Variants in MPHOSPH9 observed in about 807,000 individuals in gnomAD.
The protein encoded by MPHOSPH9 is M-phase phosphoprotein 9.
Under a neutral mutation model 145.5 loss-of-function variants are expected in MPHOSPH9, and 88 were observed. The observed-to-expected ratio is 0.60, with a 90% CI of 0.51 to 0.72. MPHOSPH9 has a LOEUF of 0.72. Ranked by LOEUF, MPHOSPH9 falls within the 30% of genes least tolerant of loss-of-function variation. The pLI is 0.00. For missense variants in MPHOSPH9, 1,238 were observed against 1,386.6 expected, an observed-to-expected ratio of 0.89 and a Z score of 1.70; for synonymous variants, 435 against 486.2, an observed-to-expected ratio of 0.89 and a Z score of 1.39.
chr12:123,227,103 A>T (rs1191287128), intron 3 of MPHOSPH9, among the ~76,000 whole-genome samples: 1 of 152,228 alleles, frequency 6.6e-6, no homozygotes, highest in African/African-American at 2.4e-5. Flanking sequence ...AAATATTTCA[A>T]AGTGGATTTA....
At chr12:123,205,815 T>C (rs1404607406) in intron 8 of MPHOSPH9, among the ~76,000 whole-genome samples, 1 of 152,210 alleles carries the variant, frequency 6.6e-6, no homozygotes, top group East Asian at 1.9e-4. Context: ...AATGGCATTT[T>C]ATAATTGCTA....
chr12:123,229,442 A>T (rs565107999), intron 2 of MPHOSPH9, among the ~76,000 whole-genome samples: 8 of 152,384 alleles, frequency 5.2e-5, no homozygotes, highest in South Asian at 4.1e-4. Context: ...AATGCATTTT[A>T]AAAAATTAAT....
intron 7 of MPHOSPH9, among the ~76,000 whole-genome samples, chr12:123,211,312 G>T (rs1343034473): frequency 6.6e-6 from 1 of 151,854 alleles, no homozygotes; most frequent in East Asian, 1.9e-4. Context: ...GTAGAGATGG[G>T]GCTTCACCAT....
chr12:123,178,544 G>A (rs2044983695), intron 15 of MPHOSPH9, among the ~76,000 whole-genome samples: 1 of 151,852 alleles, frequency 6.6e-6, no homozygotes, highest in Non-Finnish European at 1.5e-5. Flanking sequence ...TGGTGGGGAG[G>A]GGAGAGTCTT....
chr12:123,203,666 C>T (rs1233834100), intron 8 of MPHOSPH9, among the ~76,000 whole-genome samples: 1 of 152,046 alleles, frequency 6.6e-6, no homozygotes, highest in Non-Finnish European at 1.5e-5. Context: ...GTAGTTCTCC[C>T]ACTCAAAATA....
chr12:123,152,572 A>G (rs1254512904), downstream of MPHOSPH9: 2 of 456,592 alleles, frequency 4.4e-6, no homozygotes, highest in African/African-American at 2.0e-5. Flanking sequence ...GACATGGTAC[A>G]TAATGTCCAG....
chr12:123,207,678 A>T (rs2046496023), intron 8 of MPHOSPH9, among the ~76,000 whole-genome samples: 1 of 151,992 alleles, frequency 6.6e-6, no homozygotes, highest in South Asian at 2.1e-4. Context: ...ACATGGTGAA[A>T]CCCTGTCTCT....
At chr12:123,192,868 A>C (rs1287882329) in intron 13 of MPHOSPH9, among the ~76,000 whole-genome samples, 1 of 151,494 alleles carries the variant, frequency 6.6e-6, no homozygotes, top group Non-Finnish European at 1.5e-5. Context: ...TCAAGAGGTC[A>C]AGAAATCGAG....
intron 3 of MPHOSPH9, among the ~76,000 whole-genome samples, chr12:123,223,768 T>A (rs915521609): frequency 6.6e-6 from 1 of 152,026 alleles, no homozygotes; most frequent in Non-Finnish European, 1.5e-5. Flanking sequence ...TCTTAAATGT[T>A]CACTTTGTGA....
intron 5 of MPHOSPH9, among the ~76,000 whole-genome samples, chr12:123,220,202 A>G (rs1397086339): frequency 6.6e-6 from 1 of 151,770 alleles, no homozygotes; most frequent in East Asian, 1.9e-4. Flanking sequence ...TCAAAAAATA[A>G]ATAAAAACAG....
chr12:123,203,241 C>G lies in MPHOSPH9; in HGVS notation c.1320+9G>C. On this transcript the variant is annotated intron_variant, in intron 9 of 23. Transcript: ENST00000606320. ...TCACGTTCACTCGGCAGAATGTGGA[C>G]AACTTTACCTCTGGTGGATGATTTG... is the stretch of plus-strand genomic sequence containing the variant. 6.2e-7 allele frequency: 1 copy of G among 1,611,236 alleles called. No homozygotes were observed. The highest frequency in any genetic ancestry group is 8.5e-7 in the Non-Finnish European group (1 of 1,179,284).
intron 16 of MPHOSPH9, among the ~76,000 whole-genome samples, chr12:123,169,098 A>G (rs2044459316): frequency 6.6e-6 from 1 of 151,678 alleles, no homozygotes; most frequent in Admixed American, 6.6e-5. Context: ...GTTATTAGCC[A>G]GGATGGTCTT....
At chr12:123,160,998 A>T in intron 22 of MPHOSPH9, 138 bp downstream of exon 22, 1 of 1,346,174 alleles carries the variant, frequency 7.4e-7, no homozygotes. Context: ...CACATGGCTC[A>T]AATCCGTTGC....
chr12:123,204,170 C>T (rs1430015831), intron 8 of MPHOSPH9, among the ~76,000 whole-genome samples: 4 of 151,972 alleles, frequency 2.6e-5, no homozygotes, highest in African/African-American at 4.8e-5. Flanking sequence ...GGCATGGTGG[C>T]GCATGCCTGT....
intron 3 of MPHOSPH9, among the ~76,000 whole-genome samples, chr12:123,225,616 C>CA (rs562859948): frequency 1.1e-4 from 16 of 143,136 alleles, no homozygotes; most frequent in South Asian, 2.2e-4. Context: ...ATGCTAATGT[C>CA]AAAAAAAAAA....
intron 13 of MPHOSPH9, among the ~76,000 whole-genome samples, chr12:123,192,125 GA>G (rs570981838): frequency 3.7e-4 from 56 of 152,242 alleles, no homozygotes; most frequent in African/African-American, 1.3e-3. Context: ...CTCCTCAATG[GA>G]AGCTAAAACT....
At chr12:123,220,797 T>A (rs538393653) in intron 5 of MPHOSPH9, among the ~76,000 whole-genome samples, 23 of 151,428 alleles carry the variant, frequency 1.5e-4, no homozygotes, top group Admixed American at 3.3e-4. Flanking sequence ...GGCTCACACC[T>A]GTAATCCCAG....
At position 123,180,021 on chromosome 12, in the gene MPHOSPH9, T is replaced by C. The variant is rs189204023; in HGVS notation, c.2290-31A>G. The C allele has an allele frequency of 5.7e-4, 661 of 1,152,912 alleles. 2 individuals carry two copies. In the African/African-American group the frequency reaches 8.2e-3, roughly 14 times the overall value. 71.4% of individuals were successfully genotyped at this position (1,152,912 alleles called of 1,614,324 possible). A position where few individuals can be genotyped will look rare whatever the true frequency, so the allele number is the denominator to read the frequency against. On this transcript the variant is annotated intron_variant, in intron 14 of 23. Coordinates refer to ENST00000606320, the MANE Select transcript of MPHOSPH9 (RefSeq NM_022782.4). ...GAAATAAAGGAGAAATTCAGATAACTGAAGACAAATATTCACATGAATTAT... is the reference window on the plus strand; with the variant it reads ...GAAATAAAGGAGAAATTCAGATAACCGAAGACAAATATTCACATGAATTAT...
At chr12:123,157,706 C>T (rs1361089406) in intron 23 of MPHOSPH9, among the ~76,000 whole-genome samples, 1 of 151,984 alleles carries the variant, frequency 6.6e-6, no homozygotes, top group African/African-American at 2.4e-5. Flanking sequence ...AGGCTGGTCT[C>T]GAACTCCTGG....
Sources: allele counts gnomAD v4.1 joint callset (sites outside exome capture counted in the v4.1 genomes callset), GRCh38; gene constraint gnomAD v4.1.1; transcripts MANE v1.5; gene names NCBI Gene and HGNC (gene_info 2026-07-23, HGNC 2026-07-21).